Variants in NMS observed in about 807,000 individuals in gnomAD.
NMS encodes the protein neuromedin-S.
Under a neutral mutation model 32.2 loss-of-function variants are expected in NMS, and 30 were observed. That is an observed-to-expected ratio of 0.93 (90% CI 0.70 to 1.26). NMS has a LOEUF of 1.26. Ranked by LOEUF, NMS falls within the 50% of genes most tolerant of loss-of-function variation. NMS has a pLI of 0.00. For synonymous variants in NMS, 76 were observed against 58.5 expected, an observed-to-expected ratio of 1.30 and a Z score of -1.37; for missense variants, 190 against 186.3, an observed-to-expected ratio of 1.02 and a Z score of -0.12.
At chr2:100,481,997 T>C (rs1476552349) in intron 8 of NMS, among the ~76,000 whole-genome samples, 1 of 152,162 alleles carries the variant, frequency 6.6e-6, no homozygotes, top group African/African-American at 2.4e-5. Flanking sequence ...GGATGGTTTG[T>C]GGAACCTCCC....
intron 5 of NMS, 32 bp from the exon 6 acceptor site, chr2:100,479,319 CCT>C (rs749658820): frequency 2.6e-6 from 4 of 1,549,410 alleles, no homozygotes; most frequent in Admixed American, 1.8e-5. Flanking sequence ...TGGATGTCCC[CCT>C]GTCTGACCCT....
At position 100,480,231 on chromosome 2, in the gene NMS, C is replaced by A. The variant is rs575208662; in HGVS notation, c.337-265C>A. Among the ~76,000 whole-genome samples the A allele has an allele frequency of 2.0e-5, 3 of 152,366 alleles. No individual in the cohort carries two copies. In the South Asian group the frequency reaches 6.2e-4, roughly 32 times the overall value. ...TGCAATGTGCCCATTTCGAAGTTGG[C>A]GCTGTTAGGAGGAGCAAGCAAACTT... On this transcript the variant is annotated intron_variant, in intron 6 of 9. Coordinates refer to ENST00000376865, the MANE Select transcript of NMS (RefSeq NM_001011717.1).
In NMS at chr2:100,481,141, T is replaced by C; in HGVS notation, c.388T>C (p.Trp130Arg). The C allele has an allele frequency of 6.2e-7, 1 of 1,614,172 alleles. No individual in the cohort carries two copies. The highest frequency in any genetic ancestry group is 1.6e-4 in the Middle Eastern group (1 of 6,062). Residue 130 changes from tryptophan (W) to arginine (R), a missense_variant, in exon 8 of 10, where the codon TGG (tryptophan) becomes CGG (arginine). Transcript: ENST00000376865. ...TATGTTGCAGGATCACACTGCGACC[T>C]GGGGACGACCCTTTTTCCTTTTCAG... ...DFTKKDHTAT[W>R]GRPFFLFRPR...
intron 3 of NMS, among the ~76,000 whole-genome samples, chr2:100,474,561 C>T (rs1358217603): frequency 6.6e-6 from 1 of 152,224 alleles, no homozygotes; most frequent in African/African-American, 2.4e-5. Flanking sequence ...CTTAGTTGCT[C>T]TGTGCCTCAG....
At chr2:100,472,988 C>T (rs1462197911) in intron 2 of NMS, 138 bp downstream of exon 2, 2 of 554,682 alleles carry the variant, frequency 3.6e-6, no homozygotes, top group African/African-American at 3.8e-5. Flanking sequence ...TTTTTCATGG[C>T]CTCATTTAAG....
chr2:100,482,453 C>G (rs1211862113), intron 9 of NMS, 142 bp downstream of exon 9: 1 of 762,760 alleles, frequency 1.3e-6, no homozygotes, highest in Non-Finnish European at 2.2e-6. Context: ...AGGAACTCTG[C>G]CCCTTCCCTT....
chr2:100,478,042 A>T (rs1261002583), intron 5 of NMS, among the ~76,000 whole-genome samples: 1 of 152,040 alleles, frequency 6.6e-6, no homozygotes, highest in Admixed American at 6.6e-5. Flanking sequence ...GCTTACTGCA[A>T]CCTCCGCCTC....
At chr2:100,476,746 C>A (rs904223161) in intron 3 of NMS, among the ~76,000 whole-genome samples, 2 of 152,162 alleles carry the variant, frequency 1.3e-5, no homozygotes, top group Non-Finnish European at 2.9e-5. Context: ...CTACGCAAGC[C>A]AGGGCTGAGG....
rs1677173563 is a variant in NMS at position 100,479,416 on chromosome 2, A to G, written c.325A>G (p.Ile109Val). Residue 109 changes from isoleucine (I) to valine (V), a missense_variant, in exon 6 of 10, where the codon ATT becomes GTT. Transcript: ENST00000376865. ...AKLANRRMKR[I>V]LQRGSGTAAV... ...GCTCGCCAACAGGCGGATGAAGAGAATTCTGCAGCGAGTACGTGCTTTTAT... is the reference window on the plus strand; with the variant it reads ...GCTCGCCAACAGGCGGATGAAGAGAGTTCTGCAGCGAGTACGTGCTTTTAT... 1 of 1,611,070 alleles carries G rather than the reference A, an allele frequency of 6.2e-7. No homozygotes were observed. The highest frequency in any genetic ancestry group is 2.2e-5 in the East Asian group (1 of 44,702).
At chr2:100,475,379 G>C (rs1677089701) in intron 3 of NMS, among the ~76,000 whole-genome samples, 1 of 152,104 alleles carries the variant, frequency 6.6e-6, no homozygotes, top group African/African-American at 2.4e-5. Context: ...GTGACTCCAG[G>C]AGACCTTTAA....
chr2:100,481,909 T>A (rs1283062199), intron 8 of NMS, among the ~76,000 whole-genome samples: 4 of 152,232 alleles, frequency 2.6e-5, no homozygotes, highest in Non-Finnish European at 4.4e-5. Context: ...TGGGTCTGTA[T>A]GACCTACTCG....
At chr2:100,476,268 A>G (rs1385119696) in intron 3 of NMS, among the ~76,000 whole-genome samples, 1 of 152,198 alleles carries the variant, frequency 6.6e-6, no homozygotes, top group Non-Finnish European at 1.5e-5. Context: ...ACTTTCTGCT[A>G]GTTAAAAATG....
At chr2:100,482,797 A>G (rs1262498722) in intron 9 of NMS, among the ~76,000 whole-genome samples, 1 of 152,164 alleles carries the variant, frequency 6.6e-6, no homozygotes, top group Non-Finnish European at 1.5e-5. Flanking sequence ...CCAGAGTTTT[A>G]ATCTGGAACG....
chr2:100,481,073 G>T, intron 7 of NMS, 53 bp from the exon 8 acceptor site: 1 of 1,591,620 alleles, frequency 6.3e-7, no homozygotes, highest in Non-Finnish European at 8.6e-7. Context: ...CATTTTTGAA[G>T]AACTTGTAAT....
intron 9 of NMS, among the ~76,000 whole-genome samples, chr2:100,482,934 G>A (rs899241292): frequency 2.0e-5 from 3 of 152,326 alleles, no homozygotes; most frequent in East Asian, 3.9e-4. Flanking sequence ...GCTGCCAGCA[G>A]GGGTCAGTAG....
chr2:100,471,315 G>A (rs955198508), intron 1 of NMS, among the ~76,000 whole-genome samples: 1 of 152,138 alleles, frequency 6.6e-6, no homozygotes, highest in African/African-American at 2.4e-5. Context: ...AAAATCTTTG[G>A]TAATATATTG....
At chr2:100,474,286 A>G (rs574859202) in intron 3 of NMS, among the ~76,000 whole-genome samples, 5 of 152,328 alleles carry the variant, frequency 3.3e-5, no homozygotes, top group Middle Eastern at 6.8e-3. Flanking sequence ...CATGATGCCT[A>G]GGATAGCCTC....
chr2:100,471,591 T>C (rs1677007233), intron 1 of NMS, among the ~76,000 whole-genome samples: 1 of 152,226 alleles, frequency 6.6e-6, no homozygotes, highest in African/African-American at 2.4e-5. Flanking sequence ...CTTTTATGTA[T>C]CTTTCTATAT....
chr2:100,480,410 G>A (rs7577785), intron 6 of NMS, 86 bp from the exon 7 acceptor site: 26,003 of 1,371,506 alleles, frequency 0.019, 528 homozygotes, highest in African/African-American at 0.067. Context: ...TTAGAAGCAA[G>A]GCAGGGAGGG....
Sources: gnomAD v4.1 joint callset for allele counts (sites outside exome capture counted in the v4.1 genomes callset) on GRCh38, gnomAD v4.1.1 for gene constraint, MANE v1.5 for transcripts, NCBI Gene and HGNC (gene_info 2026-07-23, HGNC 2026-07-21) for gene names.